Variants in ABCA13 observed in about 807,000 individuals in gnomAD.
ABCA13 encodes the protein ATP-binding cassette sub-family A member 13.
In ABCA13, 476 loss-of-function variants were observed where a neutral mutation model predicts 478.7. That is an observed-to-expected ratio of 0.99 (90% CI 0.92 to 1.07). The LOEUF (loss-of-function observed/expected upper bound fraction) is 1.07. ABCA13 is among the 50% of genes least tolerant of loss of function. ABCA13 has a pLI of 0.00. For missense variants in ABCA13, 6,060 were observed against 5,910.6 expected (o/e 1.03, Z -0.83); for synonymous variants, 2,252 against 2,158.9 (o/e 1.04, Z -1.20).
intron 20 of ABCA13, among the ~76,000 whole-genome samples, chr7:48,293,926 C>T (rs1562985828): frequency 6.6e-6 from 1 of 152,136 alleles, no homozygotes; most frequent in Non-Finnish European, 1.5e-5. Flanking sequence ...CTGCAGTGGA[C>T]AGAACAGGAG....
At chr7:48,362,930 G>A (rs1480425522) in intron 31 of ABCA13, among the ~76,000 whole-genome samples, 2 of 151,870 alleles carry the variant, frequency 1.3e-5, no homozygotes, top group African/African-American at 4.8e-5. Context: ...CTTTTTCTTC[G>A]TCTCTAACTC....
At chr7:48,226,356 C>A (rs1027326382) in intron 5 of ABCA13, among the ~76,000 whole-genome samples, 1 of 152,148 alleles carries the variant, frequency 6.6e-6, no homozygotes, top group Non-Finnish European at 1.5e-5. Context: ...CTGGGAGCTT[C>A]CCAGGACCCT....
chr7:48,411,950 G>T (rs1369387170), intron 40 of ABCA13, among the ~76,000 whole-genome samples: 4 of 152,068 alleles, frequency 2.6e-5, no homozygotes, highest in Non-Finnish European at 5.9e-5. Flanking sequence ...TTTCTTCTTT[G>T]GCTGAGAATT....
rs1476166202 is a variant in ABCA13, at chr7:48,274,147, A to G, written c.4481A>G (p.Asn1494Ser). The G allele has an allele frequency of 6.2e-7, 1 of 1,609,408 alleles. No individual in the cohort carries two copies. Among genetic ancestry groups the G allele is most frequent in the Non-Finnish European group, 8.5e-7 (1 of 1,177,182 alleles). ...TTTGAGATTTTATTAGCTCTTTTAA[A>G]TGATTCCACAAAGCAAGTAAGGATG... ...PKFEILLALL[N>S]DSTKQVRMSI... Residue 1494 changes from asparagine (N) to serine (S), a missense_variant, in exon 17 of 62, where the codon AAT (asparagine) becomes AGT (serine). Transcript: ENST00000435803.
At chr7:48,605,109 G>A (rs1257873538) in intron 58 of ABCA13, among the ~76,000 whole-genome samples, 2 of 151,982 alleles carry the variant, frequency 1.3e-5, no homozygotes, top group Non-Finnish European at 2.9e-5. Flanking sequence ...TTTATTTTGA[G>A]CCTATTTTGT....
intron 49 of ABCA13, 36 bp downstream of exon 49, chr7:48,506,426 G>A: frequency 6.2e-7 from 1 of 1,604,312 alleles, no homozygotes; most frequent in Non-Finnish European, 8.5e-7. Context: ...GTGTGACCCT[G>A]ACTATGGAAG....
intron 51 of ABCA13, among the ~76,000 whole-genome samples, chr7:48,514,107 C>G (rs1398887859): frequency 1.3e-5 from 2 of 152,162 alleles, no homozygotes; most frequent in African/African-American, 4.8e-5. Flanking sequence ...GGTAATTAGT[C>G]ACTCAAGTGC....
intron 3 of ABCA13, among the ~76,000 whole-genome samples, chr7:48,200,130 C>T (rs952580927): frequency 2.0e-5 from 3 of 152,108 alleles, no homozygotes; most frequent in African/African-American, 4.8e-5. Flanking sequence ...TTTGGGAGGC[C>T]GAGGCGGGCA....
chr7:48,593,658 C>A (rs759751474), intron 57 of ABCA13, among the ~76,000 whole-genome samples: 8 of 150,568 alleles, frequency 5.3e-5, no homozygotes, highest in Non-Finnish European at 1.2e-4. Flanking sequence ...TTTGAAGAAC[C>A]CCTTTAGCAT....
intron 31 of ABCA13, among the ~76,000 whole-genome samples, chr7:48,359,336 A>G (rs1227487306): frequency 1.3e-5 from 2 of 151,904 alleles, no homozygotes; most frequent in Non-Finnish European, 2.9e-5. Context: ...CTAGAGTCTT[A>G]AATGCCCCTT....
intron 55 of ABCA13, among the ~76,000 whole-genome samples, chr7:48,547,467 A>T (rs1308988760): frequency 6.6e-6 from 1 of 151,928 alleles, no homozygotes; most frequent in Non-Finnish European, 1.5e-5. Flanking sequence ...GTATTTAGCC[A>T]CAAGCATTGA....
At chr7:48,558,340 A>G (rs1305571041) in intron 55 of ABCA13, among the ~76,000 whole-genome samples, 1 of 149,142 alleles carries the variant, frequency 6.7e-6, no homozygotes, top group African/African-American at 2.5e-5. Context: ...CCTGTCACCC[A>G]GGTTGGAGTG....
At chr7:48,187,758 T>G (rs1415769808) in intron 1 of ABCA13, among the ~76,000 whole-genome samples, 1 of 152,098 alleles carries the variant, frequency 6.6e-6, no homozygotes, top group Non-Finnish European at 1.5e-5. Context: ...CTTATTTGTT[T>G]ATATCTTTTT....
chr7:48,535,427 G>A (rs762917411), intron 55 of ABCA13, among the ~76,000 whole-genome samples: 2 of 152,194 alleles, frequency 1.3e-5, no homozygotes, highest in African/African-American at 4.8e-5. Context: ...GGAATGAAGT[G>A]GACTCTGAGG....
chr7:48,626,632 G>T, intron 59 of ABCA13: 1 of 985,462 alleles, frequency 1.0e-6, no homozygotes, highest in Non-Finnish European at 1.2e-6. Flanking sequence ...GAAGTCAACT[G>T]GTGACCAAGC....
At chr7:48,638,009 A>C (rs1330087620) in intron 59 of ABCA13, among the ~76,000 whole-genome samples, 4 of 152,182 alleles carry the variant, frequency 2.6e-5, no homozygotes, top group African/African-American at 9.7e-5. Flanking sequence ...CTGCATGTAC[A>C]CAGGAAGGGC....
At chr7:48,483,849 T>C (rs1186471625) in intron 47 of ABCA13, among the ~76,000 whole-genome samples, 2 of 152,098 alleles carry the variant, frequency 1.3e-5, no homozygotes, top group African/African-American at 4.8e-5. Flanking sequence ...ACTGGAGAAA[T>C]AGTATTGTGT....
At chr7:48,627,956 G>A (rs1313050726) in intron 59 of ABCA13, among the ~76,000 whole-genome samples, 1 of 152,162 alleles carries the variant, frequency 6.6e-6, no homozygotes. Context: ...CATGGGGGAA[G>A]AGTCTCCATG....
At chr7:48,277,366 C>A (rs548136691) in intron 17 of ABCA13, among the ~76,000 whole-genome samples, 6 of 152,302 alleles carry the variant, frequency 3.9e-5, no homozygotes, top group Admixed American at 6.5e-5. Flanking sequence ...TGGTTTTGTG[C>A]CTCTAAGTTA....
Sources: allele counts gnomAD v4.1 joint callset (sites outside exome capture counted in the v4.1 genomes callset), GRCh38; gene constraint gnomAD v4.1.1; transcripts MANE v1.5; gene names NCBI Gene and HGNC (gene_info 2026-07-23, HGNC 2026-07-21).